PLPPR1: variants seen among roughly 807,000 people sequenced by gnomAD.
PLPPR1 encodes the protein phospholipid phosphatase-related protein type 1.
A neutral mutation model predicts 33.1 loss-of-function variants in PLPPR1; 10 were observed. The ratio of observed to expected loss-of-function variants is 0.30; its 90% CI spans 0.19 to 0.51. PLPPR1 has a LOEUF of 0.51. Ranked by LOEUF, PLPPR1 falls within the 20% of genes least tolerant of loss-of-function variation. PLPPR1 has a pLI of 0.97. For synonymous variants in PLPPR1, 151 were observed against 151.0 expected (o/e 1.00, Z 0.00); for missense variants, 304 against 408.1 (o/e 0.74, Z 2.20).
intron 2 of PLPPR1, among the ~76,000 whole-genome samples, chr9:101,251,304 G>C (rs1827708784): frequency 6.6e-6 from 1 of 152,048 alleles, no homozygotes; most frequent in Admixed American, 6.6e-5. Context: ...AGTTTAAACT[G>C]TTGTAAAGCA....
At position 101,060,310 on chromosome 9, in the gene PLPPR1, G is replaced by A. The variant is rs527974403; in HGVS notation, c.-46+31208G>A. 2.0e-5 allele frequency among the ~76,000 whole-genome samples: 3 copies of A among 152,068 alleles called. No homozygotes were observed. In the South Asian group the frequency reaches 6.2e-4, roughly 31 times the overall value. On this transcript the variant is annotated intron_variant, in intron 1 of 7. Transcript: ENST00000374874. ...CAGAGTAAAATGGTGTTTACCAGAG[G>A]CTAGGAGTAGGAAAATTAGGGAGAT...
intron 2 of PLPPR1, among the ~76,000 whole-genome samples, chr9:101,186,594 CA>C (rs1484679545): frequency 6.6e-6 from 1 of 151,866 alleles, no homozygotes. Context: ...GTTGTTTATA[CA>C]AATCCTGTGA....
intron 2 of PLPPR1, among the ~76,000 whole-genome samples, chr9:101,240,616 GA>G (rs1822254804): frequency 1.3e-5 from 2 of 151,938 alleles, no homozygotes; most frequent in Admixed American, 1.3e-4. Flanking sequence ...AATGTTCTTC[GA>G]AAGATTCAAT....
chr9:101,055,433 G>A (rs1830268585), intron 1 of PLPPR1, among the ~76,000 whole-genome samples: 1 of 152,162 alleles, frequency 6.6e-6, no homozygotes, highest in South Asian at 2.1e-4. Flanking sequence ...CTTTCTGAAA[G>A]CAGTTTGGTC....
chr9:101,109,974 A>C (rs937392386), intron 1 of PLPPR1, among the ~76,000 whole-genome samples: 9 of 152,310 alleles, frequency 5.9e-5, no homozygotes, highest in Admixed American at 3.9e-4. Flanking sequence ...GCTTCTGTTC[A>C]ATAATTTCCC....
chr9:101,197,875 A>G (rs1472900076), intron 2 of PLPPR1, among the ~76,000 whole-genome samples: 1 of 152,204 alleles, frequency 6.6e-6, no homozygotes, highest in Non-Finnish European at 1.5e-5. Flanking sequence ...AGATCCAAAG[A>G]CATATCATTT....
intron 2 of PLPPR1, chr9:101,187,943 C>A (rs953843609): frequency 2.0e-5 from 3 of 151,910 alleles, no homozygotes; most frequent in Non-Finnish European, 4.4e-5. Flanking sequence ...CTACATGTTT[C>A]CCATGCATGG....
intron 1 of PLPPR1, among the ~76,000 whole-genome samples, chr9:101,043,082 C>T (rs1429789985): frequency 6.6e-6 from 1 of 152,046 alleles, no homozygotes; most frequent in African/African-American, 2.4e-5. Context: ...CCCTGAGTCC[C>T]CAAAGTCCAT....
At chr9:101,046,917 A>G (rs1830158009) in intron 1 of PLPPR1, among the ~76,000 whole-genome samples, 1 of 152,112 alleles carries the variant, frequency 6.6e-6, no homozygotes, top group Non-Finnish European at 1.5e-5. Flanking sequence ...GGCCTTTAAA[A>G]TGGAACTTAC....
At chr9:101,040,963 G>T (rs1830070711) in intron 1 of PLPPR1, among the ~76,000 whole-genome samples, 1 of 152,076 alleles carries the variant, frequency 6.6e-6, no homozygotes, top group African/African-American at 2.4e-5. Flanking sequence ...GACACCGGTG[G>T]CAATCACTAG....
chr9:101,297,843 G>A (rs1828677620), intron 4 of PLPPR1, among the ~76,000 whole-genome samples: 2 of 151,914 alleles, frequency 1.3e-5, no homozygotes, highest in Admixed American at 1.3e-4. Flanking sequence ...ATTACATTGT[G>A]TAGTAACAGC....
chr9:101,271,089 T>C lies in PLPPR1; in HGVS notation c.252+1021T>C, dbSNP rs528998416. Among the ~76,000 whole-genome samples the C allele has an allele frequency of 6.3e-4, 96 of 152,326 alleles. 1 individual carries two copies. The South Asian group carries it at 0.019, about 31-fold the overall frequency. On this transcript the variant is annotated intron_variant, in intron 3 of 7. Coordinates refer to ENST00000374874, the MANE Select transcript of PLPPR1 (RefSeq NM_207299.2). ...GGGCATAATAAATTCATTTGGCTCA[T>C]TGACCCCAGGCTCTACAAAGCTCTC... is the stretch of plus-strand genomic sequence containing the variant.
chr9:101,108,974 T>G (rs1831014697), intron 1 of PLPPR1, among the ~76,000 whole-genome samples: 1 of 150,526 alleles, frequency 6.6e-6, no homozygotes, highest in Non-Finnish European at 1.5e-5. Flanking sequence ...TTTTTTTTTT[T>G]TTGAGATGGA....
intron 1 of PLPPR1, among the ~76,000 whole-genome samples, chr9:101,051,404 C>T (rs1830221547): frequency 6.6e-6 from 1 of 152,112 alleles, no homozygotes; most frequent in African/African-American, 2.4e-5. Flanking sequence ...TATTCTGGCA[C>T]TCAATATCCT....
At chr9:101,032,866 T>TA (rs1450644090) in intron 1 of PLPPR1, among the ~76,000 whole-genome samples, 3 of 152,158 alleles carry the variant, frequency 2.0e-5, no homozygotes, top group Admixed American at 1.3e-4. Context: ...TTTTTATGTT[T>TA]AAAAAATGAG....
chr9:101,211,184 A>T lies in PLPPR1; in HGVS notation c.63+25627A>T, dbSNP rs376412181. Among the ~76,000 whole-genome samples the T allele has an allele frequency of 6.6e-5, 10 of 152,286 alleles. No individual in the cohort carries two copies. In the South Asian group the frequency reaches 8.3e-4, roughly 13 times the overall value. ...GGTCACCTACTCAGTCAGAAATAAG[A>T]TTCATTAAGATGGTAAGAAAAAAAG... On this transcript the variant is annotated intron_variant, in intron 2 of 7. Coordinates refer to ENST00000374874, the MANE Select transcript of PLPPR1 (RefSeq NM_207299.2).
intron 2 of PLPPR1, among the ~76,000 whole-genome samples, chr9:101,227,221 A>G (rs952179077): frequency 1.3e-5 from 2 of 152,210 alleles, no homozygotes; most frequent in Non-Finnish European, 2.9e-5. Flanking sequence ...CTGTGGCCCA[A>G]TGTGATGGTG....
At chr9:101,224,885 C>T (rs12237018) in intron 2 of PLPPR1, among the ~76,000 whole-genome samples, 1 of 152,142 alleles carries the variant, frequency 6.6e-6, no homozygotes, top group African/African-American at 2.4e-5. Context: ...CCTCCAGTTG[C>T]TGGGATGAAT....
At chr9:101,217,675 C>T (rs1469565674) in intron 2 of PLPPR1, among the ~76,000 whole-genome samples, 1 of 152,126 alleles carries the variant, frequency 6.6e-6, no homozygotes, top group Non-Finnish European at 1.5e-5. Context: ...ACTATAAAAA[C>T]AGGCAATAGA....
Sources: allele counts gnomAD v4.1 joint callset (sites outside exome capture counted in the v4.1 genomes callset), GRCh38; gene constraint gnomAD v4.1.1; transcripts MANE v1.5; gene names NCBI Gene and HGNC (gene_info 2026-07-23, HGNC 2026-07-21).